Variants in TENM3 observed in about 807,000 individuals in gnomAD.
The protein encoded by TENM3 is teneurin transmembrane protein 3, also known as teneurin-3.
In TENM3, 63 loss-of-function variants were observed where a neutral mutation model predicts 255.1. The ratio of observed to expected loss-of-function variants is 0.25; its 90% CI spans 0.20 to 0.30. The LOEUF is 0.30. Among genes scored for constraint, TENM3 ranks in the 10% least tolerant of loss-of-function variants. The probability of loss-of-function intolerance (pLI) is 1.00; values close to 1 mark genes in which losing one functional copy is unlikely to be tolerated. For missense variants in TENM3, 2,929 were observed against 3,461.1 expected (o/e 0.85, Z 3.86); for synonymous variants, 1,306 against 1,322.3 (o/e 0.99, Z 0.27).
chr4:182,554,473 C>T (rs1349609638), intron 3 of TENM3, among the ~76,000 whole-genome samples: 1 of 152,094 alleles, frequency 6.6e-6, no homozygotes, highest in African/African-American at 2.4e-5. Context: ...AATGTAAATG[C>T]ATCAGGAAAA....
At chr4:181,788,391 T>C in the TENM3 span, among the ~76,000 whole-genome samples, 1 of 152,334 alleles carries the variant, frequency 6.6e-6, no homozygotes, top group East Asian at 1.9e-4. Flanking sequence ...TCTTGCTAGA[T>C]GCCAAGCACT....
At chr4:181,759,723 G>GGTGTGT in the TENM3 span, among the ~76,000 whole-genome samples, 1 of 71,794 alleles carries the variant, frequency 1.4e-5, no homozygotes, top group Admixed American at 1.7e-4. Context: ...GCAATCAACA[G>GGTGTGT]ATGTGTGTGT....
chr4:181,477,654 G>C, the TENM3 span, among the ~76,000 whole-genome samples: 1 of 152,050 alleles, frequency 6.6e-6, no homozygotes, highest in Non-Finnish European at 1.5e-5. Flanking sequence ...TTTTATATAC[G>C]TAAAATATTT....
At chr4:182,693,339 CT>C (rs556445579) in intron 12 of TENM3, among the ~76,000 whole-genome samples, 33 of 147,532 alleles carry the variant, frequency 2.2e-4, no homozygotes, top group African/African-American at 3.5e-4. Flanking sequence ...TTTTTTTCTT[CT>C]TTTTTTTTTC....
the TENM3 span, among the ~76,000 whole-genome samples, chr4:181,668,006 T>A: frequency 9.4e-3 from 1,431 of 152,258 alleles, 12 homozygotes; most frequent in Non-Finnish European, 0.015. Flanking sequence ...ACTGAGAAAC[T>A]GTGTGTGTGT....
At chr4:181,602,842 T>C in the TENM3 span, among the ~76,000 whole-genome samples, 1 of 152,226 alleles carries the variant, frequency 6.6e-6, no homozygotes, top group Non-Finnish European at 1.5e-5. Flanking sequence ...TCTAGCTTAG[T>C]GCATATGCCA....
chr4:182,682,001 A>G lies in TENM3; in HGVS notation c.2022A>G (p.Pro674=). 6.2e-7 allele frequency: 1 copy of G among 1,613,914 alleles called. No homozygotes were observed. The highest frequency in any genetic ancestry group is 8.5e-7 in the Non-Finnish European group (1 of 1,179,868). Residue 674 remains proline (P), a synonymous_variant, in exon 11 of 28, where the codon CCA becomes CCG. Coordinates refer to ENST00000511685, the MANE Select transcript of TENM3 (RefSeq NM_001080477.4). ...SCTCDPNWTG[P]DCSNEICSVD... Reference sequence around the variant, plus strand: ...CGTGTGACCCTAACTGGACTGGCCCAGACTGCTCAAACGGTGAGGTTAATA... The same window carrying G: ...CGTGTGACCCTAACTGGACTGGCCCGGACTGCTCAAACGGTGAGGTTAATA...
chr4:182,746,496 C>T (rs1406372185), intron 19 of TENM3, among the ~76,000 whole-genome samples: 2 of 152,042 alleles, frequency 1.3e-5, no homozygotes, highest in African/African-American at 2.4e-5. Flanking sequence ...GTGGTAATCA[C>T]GAGAGATACA....
the TENM3 span, among the ~76,000 whole-genome samples, chr4:181,868,078 C>A: frequency 5.9e-5 from 9 of 152,088 alleles, no homozygotes; most frequent in East Asian, 1.7e-3. Flanking sequence ...TTATATTTTA[C>A]GGGAAATTTT....
At chr4:181,617,080 A>G in the TENM3 span, among the ~76,000 whole-genome samples, 2 of 152,272 alleles carry the variant, frequency 1.3e-5, no homozygotes, top group East Asian at 3.9e-4. Flanking sequence ...GGCACCCACT[A>G]TCACACACAC....
intron 1 of TENM3, among the ~76,000 whole-genome samples, chr4:182,244,858 T>C (rs1034378907): frequency 3.9e-5 from 6 of 152,248 alleles, no homozygotes; most frequent in African/African-American, 7.2e-5. Context: ...AATCAAATCA[T>C]GTTGAACTTT....
chr4:181,589,335 A>C, the TENM3 span, among the ~76,000 whole-genome samples: 2 of 152,160 alleles, frequency 1.3e-5, no homozygotes, highest in East Asian at 3.8e-4. Context: ...AAATTACTGA[A>C]GGGCTAGTCC....
chr4:182,393,130 C>T (rs11935545), intron 3 of TENM3, among the ~76,000 whole-genome samples: 62,455 of 151,986 alleles, frequency 0.41, 13,028 homozygotes, highest in East Asian at 0.5. Context: ...TAACAGACAA[C>T]GTCTTTTTAA....
the TENM3 span, among the ~76,000 whole-genome samples, chr4:181,596,595 G>A: frequency 1.3e-5 from 2 of 151,922 alleles, no homozygotes; most frequent in Admixed American, 1.3e-4. Context: ...CTCTTTATTT[G>A]TAGCTAAAAA....
At chr4:182,488,122 T>G (rs374775592) in intron 3 of TENM3, among the ~76,000 whole-genome samples, 1 of 152,042 alleles carries the variant, frequency 6.6e-6, no homozygotes, top group African/African-American at 2.4e-5. Flanking sequence ...GCAACACAAG[T>G]GGATAATGAT....
At chr4:182,215,701 G>A (rs559751450) in intron 1 of TENM3, among the ~76,000 whole-genome samples, 22 of 152,126 alleles carry the variant, frequency 1.4e-4, no homozygotes, top group Non-Finnish European at 2.6e-4. Context: ...AAATTCCTGG[G>A]GATATTGTTG....
At chr4:182,370,746 G>T (rs949216278) in intron 3 of TENM3, among the ~76,000 whole-genome samples, 1 of 152,148 alleles carries the variant, frequency 6.6e-6, no homozygotes, top group African/African-American at 2.4e-5. Context: ...TTATTTCACT[G>T]TGAGAATATT....
At chr4:182,311,813 C>T (rs1762464082) in intron 1 of TENM3, among the ~76,000 whole-genome samples, 1 of 152,188 alleles carries the variant, frequency 6.6e-6, no homozygotes, top group Non-Finnish European at 1.5e-5. Flanking sequence ...ATTGAAGAAG[C>T]TCCCCCAGTG....
Position 182,601,047 on chromosome 4 carries a change from G to A in TENM3, c.635G>A (p.Arg212Lys), listed in dbSNP as rs370003429. Residue 212 changes from arginine (R) to lysine (K), a missense_variant, in exon 4 of 28, where the codon AGG becomes AAG. Coordinates refer to ENST00000511685, the MANE Select transcript of TENM3 (RefSeq NM_001080477.4). ...AACAGAAACTCCCTGACCAATAGAA[G>A]GAACCAGAGTCCGGCCCCGCCGGCT... ...SLNRNSLTNR[R>K]NQSPAPPAAL... 8.3e-5 allele frequency: 134 copies of A among 1,613,578 alleles called. No homozygotes were observed. The African/African-American group carries it at 1.4e-3, about 17-fold the overall frequency.
Sources: allele counts gnomAD v4.1 joint callset (sites outside exome capture counted in the v4.1 genomes callset), GRCh38; gene constraint gnomAD v4.1.1; transcripts MANE v1.5; gene names NCBI Gene and HGNC (gene_info 2026-07-23, HGNC 2026-07-21).